The following MIGA1 variants were observed in gnomAD, a reference collection of about 807,000 sequenced individuals.
MIGA1 encodes family with sequence similarity 73, member A.
A neutral mutation model predicts 82.0 loss-of-function variants in MIGA1; 58 were observed. The ratio of observed to expected loss-of-function variants is 0.71; its 90% confidence interval spans 0.57 to 0.88. The LOEUF (loss-of-function observed/expected upper bound fraction) is 0.88, where lower values mean the gene tolerates loss of function less well. Among genes scored for constraint, MIGA1 ranks in the 40% least tolerant of loss-of-function variants. The pLI, the probability that MIGA1 is intolerant of heterozygous loss-of-function variation, is 0.00. For missense variants in MIGA1, 751 were observed against 749.1 expected, an observed-to-expected ratio of 1.00 and a Z score of -0.03; for synonymous variants, 249 against 253.6, an observed-to-expected ratio of 0.98 and a Z score of 0.17.
At chr1:77,847,749 A>G in intron 8 of MIGA1, 2 of 1,592,178 alleles carry the variant, frequency 1.3e-6, no homozygotes, top group Non-Finnish European at 1.7e-6. Flanking sequence ...TCGTGAAGCC[A>G]GATCTGGTAT....
At chr1:77,847,008 G>T in intron 8 of MIGA1, 3 of 620,992 alleles carry the variant, frequency 4.8e-6, no homozygotes, top group Non-Finnish European at 8.7e-6. Flanking sequence ...ACCTTGGAAA[G>T]CTTTTGCTAT....
chr1:77,807,419 C>G (rs1391150965), intron 5 of MIGA1, among the ~76,000 whole-genome samples: 1 of 152,208 alleles, frequency 6.6e-6, no homozygotes, highest in Non-Finnish European at 1.5e-5. Context: ...CCGCCTCAGC[C>G]TCCCAAAGTA....
intron 2 of MIGA1, among the ~76,000 whole-genome samples, chr1:77,784,636 A>G (rs958418316): frequency 2.0e-5 from 3 of 152,154 alleles, no homozygotes; most frequent in Admixed American, 6.5e-5. Flanking sequence ...GTTTTTCCAC[A>G]TCCTCATCAA....
In MIGA1 at chr1:77,877,119, T is replaced by A. The variant is rs568401937; in HGVS notation, c.*2055T>A. On this transcript the variant is annotated 3_prime_UTR_variant, in exon 16 of 16. Transcript: ENST00000370791. ...TCCAACTCCTCATACCAGAGGCATG[T>A]GTCACCATGTCTTACTCCTAAAATG... The A allele has an allele frequency of 6.6e-6, 1 of 152,310 alleles. No individual in the cohort carries two copies. The highest frequency in any genetic ancestry group is 2.1e-4 in the South Asian group (1 of 4,828). 9.4% of individuals were successfully genotyped at this position (152,310 alleles called of 1,614,324 possible). A position where few individuals can be genotyped will look rare whatever the true frequency, so the allele number is the denominator to read the frequency against.
intron 2 of MIGA1, among the ~76,000 whole-genome samples, chr1:77,794,894 T>G (rs1014403557): frequency 6.6e-6 from 1 of 152,210 alleles, no homozygotes; most frequent in South Asian, 2.1e-4. Flanking sequence ...AATAAGAAGT[T>G]TGGAGGTAGA....
chr1:77,859,828 T>A lies in MIGA1; in HGVS notation c.1189-212T>A, dbSNP rs1311902335. The A allele has an allele frequency of 3.1e-5, 14 of 458,944 alleles. No individual in the cohort carries two copies. In the East Asian group the frequency reaches 3.8e-4, roughly 12 times the overall value. 28.4% of individuals were successfully genotyped at this position (458,944 alleles called of 1,614,324 possible). A position where few individuals can be genotyped will look rare whatever the true frequency, so the allele number is the denominator to read the frequency against. ...AATATGATTTTGAACAGAATTTAAA[T>A]TCAAATTTAACTCCCTTTAATCTTT... is the stretch of plus-strand genomic sequence containing the variant. On this transcript the variant is annotated intron_variant, in intron 10 of 15. Transcript: ENST00000370791.
At chr1:77,865,793 A>G (rs76455927) in intron 13 of MIGA1, among the ~76,000 whole-genome samples, 1 of 149,900 alleles carries the variant, frequency 6.7e-6, no homozygotes, top group Non-Finnish European at 1.5e-5. Context: ...ATATTATTTT[A>G]CTTTTTTTTT....
chr1:77,827,427 T>A (rs1570967337), intron 7 of MIGA1, among the ~76,000 whole-genome samples: 1 of 151,870 alleles, frequency 6.6e-6, no homozygotes, highest in Non-Finnish European at 1.5e-5. Context: ...TGAGCTATGA[T>A]CACACCACCG....
chr1:77,796,308 C>T (rs1475978045), intron 2 of MIGA1, among the ~76,000 whole-genome samples: 5 of 151,830 alleles, frequency 3.3e-5, no homozygotes, highest in Non-Finnish European at 5.9e-5. Flanking sequence ...TTAGTAGAGA[C>T]GGGGTTTCAC....
chr1:77,791,606 C>T (rs1012400609), intron 2 of MIGA1, among the ~76,000 whole-genome samples: 5 of 146,348 alleles, frequency 3.4e-5, no homozygotes, highest in African/African-American at 1.3e-4. Flanking sequence ...CTCTGTCACC[C>T]AGACTGGAGT....
intron 14 of MIGA1, among the ~76,000 whole-genome samples, chr1:77,867,019 C>T (rs746691727): frequency 2.6e-5 from 4 of 152,062 alleles, no homozygotes; most frequent in Admixed American, 6.5e-5. Context: ...GGATTCCCTT[C>T]GTTTAATCCA....
chr1:77,826,648 T>A (rs1054648069), intron 7 of MIGA1, among the ~76,000 whole-genome samples: 2 of 152,094 alleles, frequency 1.3e-5, no homozygotes, highest in Non-Finnish European at 1.5e-5. Context: ...GCTAATTTTT[T>A]AATTTTTTGT....
intron 2 of MIGA1, among the ~76,000 whole-genome samples, chr1:77,799,209 C>T (rs1307707088): frequency 6.6e-6 from 1 of 152,098 alleles, no homozygotes; most frequent in African/African-American, 2.4e-5. Flanking sequence ...CTGTCCCCAA[C>T]TTAACAATTT....
intron 8 of MIGA1, among the ~76,000 whole-genome samples, chr1:77,851,226 C>T (rs1480295582): frequency 6.6e-6 from 1 of 152,146 alleles, no homozygotes; most frequent in Non-Finnish European, 1.5e-5. Flanking sequence ...TGGGAAATAA[C>T]AAAAGGTAGG....
At chr1:77,814,477 C>T (rs369760686) in intron 6 of MIGA1, among the ~76,000 whole-genome samples, 1 of 151,678 alleles carries the variant, frequency 6.6e-6, no homozygotes, top group South Asian at 2.1e-4. Context: ...GTACACTATA[C>T]CCCAGAACTC....
At chr1:77,844,135 T>TATATATATAGATAG (rs1376030825) in intron 8 of MIGA1, among the ~76,000 whole-genome samples, 24 of 112,530 alleles carry the variant, frequency 2.1e-4, no homozygotes, top group African/African-American at 8.4e-4. Flanking sequence ...TATATATATA[T>TATATATATAGATAG]ATAGATAGAT....
intron 8 of MIGA1, among the ~76,000 whole-genome samples, chr1:77,857,289 A>G (rs1217336177): frequency 6.8e-6 from 1 of 147,068 alleles, no homozygotes; most frequent in Admixed American, 6.8e-5. Context: ...GTACTATTAC[A>G]TTCACTCTGC....
intron 7 of MIGA1, among the ~76,000 whole-genome samples, chr1:77,827,116 C>CT (rs538408429): frequency 7.8e-4 from 113 of 145,014 alleles, no homozygotes; most frequent in South Asian, 3.5e-3. Flanking sequence ...CAAAAAGAGC[C>CT]TTTTTTTTTT....
chr1:77,786,154 C>G (rs2101688778), intron 2 of MIGA1, among the ~76,000 whole-genome samples: 1 of 152,368 alleles, frequency 6.6e-6, no homozygotes, highest in South Asian at 2.1e-4. Context: ...TCTGAAGCCA[C>G]AGCCCAAGCT....
Sources: gnomAD v4.1 joint callset for allele counts (sites outside exome capture counted in the v4.1 genomes callset) on GRCh38, gnomAD v4.1.1 for gene constraint, MANE v1.5 for transcripts, NCBI Gene and HGNC (gene_info 2026-07-23, HGNC 2026-07-21) for gene names.